COL24A1: variants seen among roughly 807,000 people sequenced by gnomAD.
COL24A1 encodes the protein collagen type XXIV alpha 1 chain, also known as collagen alpha-1(XXIV) chain.
Under a neutral mutation model 253.9 loss-of-function variants are expected in COL24A1, and 224 were observed. That is an observed-to-expected ratio of 0.88 (90% CI 0.79 to 0.99). COL24A1 has a LOEUF of 0.99. Among genes scored for constraint, COL24A1 ranks in the 50% least tolerant of loss-of-function variants. The pLI is 0.00. For missense variants in COL24A1, 2,131 were observed against 2,068.5 expected (o/e 1.03, Z -0.59); for synonymous variants, 685 against 673.7 (o/e 1.02, Z -0.26).
At chr1:86,084,363 T>C (rs1216461993) in intron 7 of COL24A1, among the ~76,000 whole-genome samples, 1 of 152,216 alleles carries the variant, frequency 6.6e-6, no homozygotes, top group Non-Finnish European at 1.5e-5. Context: ...ACTTAAATTA[T>C]AGGATGAATA....
intron 37 of COL24A1, among the ~76,000 whole-genome samples, chr1:85,850,588 T>C (rs2102336033): frequency 6.6e-6 from 1 of 152,246 alleles, no homozygotes; most frequent in South Asian, 2.1e-4. Flanking sequence ...ATGAGGCCTT[T>C]CAAAAAGAGG....
chr1:85,732,286 G>A (rs1176482757), intron 59 of COL24A1, among the ~76,000 whole-genome samples: 1 of 150,432 alleles, frequency 6.6e-6, no homozygotes, highest in Non-Finnish European at 1.5e-5. Context: ...CTGGAGTGCA[G>A]TGGTGCAATC....
At chr1:85,768,655 T>C (rs1667643469) in intron 53 of COL24A1, among the ~76,000 whole-genome samples, 2 of 152,128 alleles carry the variant, frequency 1.3e-5, no homozygotes, top group South Asian at 4.2e-4. Context: ...AAGAACTTTA[T>C]GGGTATCTCT....
Position 85,896,070 on chromosome 1 carries a change from C to T in COL24A1, c.2833-5G>A, listed in dbSNP as rs775808577. The T allele has an allele frequency of 6.2e-7, 1 of 1,612,580 alleles. No individual in the cohort carries two copies. Among genetic ancestry groups the T allele is most frequent in the Non-Finnish European group, 8.5e-7 (1 of 1,179,448 alleles). On this transcript the variant is annotated splice_region_variant and splice_polypyrimidine_tract_variant and intron_variant, in intron 29 of 59. Transcript: ENST00000370571. ...TCCTTGATCTCCTTTTTCACCCTAACAAAGTATCAAAGCCAGGTGAGTTAG... is the reference window on the plus strand; with the variant it reads ...TCCTTGATCTCCTTTTTCACCCTAATAAAGTATCAAAGCCAGGTGAGTTAG...
chr1:85,905,588 G>A (rs1684739141), intron 28 of COL24A1, among the ~76,000 whole-genome samples: 1 of 151,788 alleles, frequency 6.6e-6, no homozygotes, highest in Non-Finnish European at 1.5e-5. Flanking sequence ...CTGGATACTG[G>A]GTAAAAATTT....
At chr1:86,133,905 A>G (rs981643250) in intron 2 of COL24A1, among the ~76,000 whole-genome samples, 35 of 152,210 alleles carry the variant, frequency 2.3e-4, no homozygotes, top group African/African-American at 7.9e-4. Flanking sequence ...ATTGATTGGA[A>G]TAGTTTCAGA....
intron 20 of COL24A1, among the ~76,000 whole-genome samples, chr1:85,980,663 C>T (rs1693163378): frequency 6.6e-6 from 1 of 152,174 alleles, no homozygotes; most frequent in Admixed American, 6.6e-5. Context: ...AATCCCAGCA[C>T]TTTGGGAGGC....
At chr1:86,047,460 C>G (rs540783093) in intron 11 of COL24A1, among the ~76,000 whole-genome samples, 64 of 152,262 alleles carry the variant, frequency 4.2e-4, no homozygotes, top group Non-Finnish European at 6.6e-4. Context: ...TTGTCCAAAT[C>G]CTGGGTCTGC....
intron 47 of COL24A1, among the ~76,000 whole-genome samples, chr1:85,801,722 A>C (rs1033913105): frequency 2.0e-5 from 3 of 152,228 alleles, no homozygotes; most frequent in Admixed American, 2.0e-4. Context: ...CTCTGACTAA[A>C]GCATGCATGT....
intron 3 of COL24A1, among the ~76,000 whole-genome samples, chr1:86,122,693 T>C (rs1344352117): frequency 2.6e-5 from 4 of 152,044 alleles, no homozygotes; most frequent in Non-Finnish European, 4.4e-5. Flanking sequence ...CTAGGTCCCA[T>C]TAATTTCCTA....
chr1:85,746,904 G>A (rs1170843247), intron 55 of COL24A1, among the ~76,000 whole-genome samples: 1 of 152,000 alleles, frequency 6.6e-6, no homozygotes. Context: ...ACTAAATATG[G>A]GAAACTGAAT....
At chr1:86,103,153 T>C (rs1290190971) in intron 5 of COL24A1, among the ~76,000 whole-genome samples, 1 of 152,206 alleles carries the variant, frequency 6.6e-6, no homozygotes, top group Non-Finnish European at 1.5e-5. Context: ...TTGTCTTTTT[T>C]GATATTTGCT....
chr1:86,156,147 A>G (rs909208870), intron 1 of COL24A1, 194 bp downstream of exon 1: 1 of 547,760 alleles, frequency 1.8e-6, no homozygotes, highest in African/African-American at 1.9e-5. Flanking sequence ...ATCTGCTGGC[A>G]CGAGGCATCC....
At chr1:85,887,883 A>G (rs1189070340) in intron 32 of COL24A1, among the ~76,000 whole-genome samples, 6 of 151,572 alleles carry the variant, frequency 4.0e-5, no homozygotes, top group African/African-American at 1.2e-4. Flanking sequence ...TCACTTCTAT[A>G]CTCTTTCCAT....
intron 37 of COL24A1, among the ~76,000 whole-genome samples, chr1:85,865,578 A>T (rs1331706664): frequency 2.6e-5 from 4 of 152,156 alleles, no homozygotes; most frequent in Non-Finnish European, 4.4e-5. Flanking sequence ...CAGCTGTCAT[A>T]CTGTATCATT....
chr1:85,799,764 A>T (rs1321153049), intron 47 of COL24A1, among the ~76,000 whole-genome samples: 1 of 152,230 alleles, frequency 6.6e-6, no homozygotes, highest in Non-Finnish European at 1.5e-5. Flanking sequence ...TTTGATGGAT[A>T]CAAAACATTT....
intron 2 of COL24A1, among the ~76,000 whole-genome samples, chr1:86,136,599 A>T: frequency 6.6e-6 from 1 of 152,060 alleles, no homozygotes; most frequent in East Asian, 1.9e-4. Context: ...CAGAGAGATT[A>T]AATAACTTGG....
chr1:85,955,425 G>A (rs865823871), intron 24 of COL24A1, among the ~76,000 whole-genome samples: 1 of 152,262 alleles, frequency 6.6e-6, no homozygotes, highest in Non-Finnish European at 1.5e-5. Flanking sequence ...ATAAGGCAGA[G>A]CATCTAATTG....
Position 85,888,282 on chromosome 1 carries a change from T to C in COL24A1, c.2976+1278A>G, listed in dbSNP as rs183828669. ...TTGACTGATGTTTACAAAATAGATA[T>C]CAGATAATAAACTAAATAATCTGAT... On this transcript the variant is annotated intron_variant, in intron 32 of 59. Coordinates refer to ENST00000370571, the MANE Select transcript of COL24A1 (RefSeq NM_152890.7). 6.9e-4 allele frequency among the ~76,000 whole-genome samples: 105 copies of C among 152,234 alleles called. 1 individual carries two copies. The highest frequency in any genetic ancestry group is 2.4e-3 in the African/African-American group (98 of 41,558).
Sources: allele counts gnomAD v4.1 joint callset (sites outside exome capture counted in the v4.1 genomes callset), GRCh38; gene constraint gnomAD v4.1.1; transcripts MANE v1.5; gene names NCBI Gene and HGNC (gene_info 2026-07-23, HGNC 2026-07-21).